The following PLD5 variants were observed in gnomAD, a reference collection of about 807,000 sequenced individuals.
The protein encoded by PLD5 is inactive phospholipase D5.
Under a neutral mutation model 61.1 loss-of-function variants are expected in PLD5, and 36 were observed. The observed-to-expected ratio is 0.59, with a 90% CI of 0.45 to 0.78. PLD5 has a LOEUF of 0.78. Ranked by LOEUF, PLD5 falls within the 30% of genes least tolerant of loss-of-function variation. The pLI is 0.00. For synonymous variants in PLD5, 243 were observed against 242.8 expected, an observed-to-expected ratio of 1.00 and a Z score of -0.01; for missense variants, 515 against 644.4, an observed-to-expected ratio of 0.80 and a Z score of 2.17.
chr1:242,518,799 G>A (rs759965166), intron 1 of PLD5, among the ~76,000 whole-genome samples: 2 of 152,148 alleles, frequency 1.3e-5, no homozygotes, highest in Non-Finnish European at 2.9e-5. Flanking sequence ...CCACACCCAA[G>A]AGAGTTCATA....
At chr1:242,512,860 T>C (rs1462759753) in intron 1 of PLD5, among the ~76,000 whole-genome samples, 1 of 129,176 alleles carries the variant, frequency 7.7e-6, no homozygotes, top group Admixed American at 8.4e-5. Flanking sequence ...TTCCACTGAA[T>C]TCTTTTTTAT....
intron 5 of PLD5, among the ~76,000 whole-genome samples, chr1:242,127,290 A>G (rs919369407): frequency 3.9e-5 from 6 of 152,198 alleles, no homozygotes; most frequent in African/African-American, 1.4e-4. Flanking sequence ...GGATCCAGCA[A>G]TCCCACTACT....
intron 2 of PLD5, among the ~76,000 whole-genome samples, chr1:242,323,278 A>C (rs551488217): frequency 1.3e-5 from 2 of 152,326 alleles, no homozygotes; most frequent in Admixed American, 1.3e-4. Context: ...TAATGGAAAT[A>C]TAAAAGTCAC....
intron 1 of PLD5, among the ~76,000 whole-genome samples, chr1:242,425,024 A>G (rs895487287): frequency 6.6e-6 from 1 of 152,090 alleles, no homozygotes; most frequent in Non-Finnish European, 1.5e-5. Context: ...CCTAGCTACT[A>G]GGGAGGCTGA....
chr1:242,190,398 G>A (rs1001710889), intron 5 of PLD5, among the ~76,000 whole-genome samples: 7 of 151,334 alleles, frequency 4.6e-5, no homozygotes, highest in Non-Finnish European at 5.9e-5. Context: ...CGCCCACCTC[G>A]GCCTCCCAAA....
At chr1:242,130,006 G>T (rs1428662843) in intron 5 of PLD5, among the ~76,000 whole-genome samples, 7 of 151,092 alleles carry the variant, frequency 4.6e-5, no homozygotes, top group Admixed American at 1.3e-4. Flanking sequence ...GTATTCCATT[G>T]TGTATATATA....
At chr1:242,426,813 T>C (rs1249590971) in intron 1 of PLD5, among the ~76,000 whole-genome samples, 1 of 152,250 alleles carries the variant, frequency 6.6e-6, no homozygotes, top group Non-Finnish European at 1.5e-5. Flanking sequence ...GGGAACATTG[T>C]TAGGCTGCAT....
chr1:242,290,461 C>T (rs983736153), intron 2 of PLD5, among the ~76,000 whole-genome samples: 1 of 152,008 alleles, frequency 6.6e-6, no homozygotes, highest in African/African-American at 2.4e-5. Context: ...AGAAAGCTGG[C>T]AGCATTTGTA....
chr1:242,386,764 A>T (rs73128336), intron 1 of PLD5, among the ~76,000 whole-genome samples: 1,779 of 152,324 alleles, frequency 0.012, 33 homozygotes, highest in African/African-American at 0.041. Flanking sequence ...ATTTCGAGAC[A>T]ATTGAGATTT....
chr1:242,100,351 T>A (rs2148667143), intron 9 of PLD5, among the ~76,000 whole-genome samples: 1 of 152,350 alleles, frequency 6.6e-6, no homozygotes, highest in South Asian at 2.1e-4. Context: ...TGCTCTTTCC[T>A]GTGCCAGGAC....
intron 1 of PLD5, among the ~76,000 whole-genome samples, chr1:242,480,546 C>T (rs1161157427): frequency 6.6e-6 from 1 of 151,764 alleles, no homozygotes; most frequent in East Asian, 1.9e-4. Context: ...CAAAAGACAC[C>T]ATTAAAAATA....
chr1:242,422,466 G>A (rs916824896), intron 1 of PLD5, among the ~76,000 whole-genome samples: 5 of 152,152 alleles, frequency 3.3e-5, no homozygotes, highest in Non-Finnish European at 7.4e-5. Flanking sequence ...GTAATGGCAA[G>A]ATTTTCAAAG....
At chr1:242,482,430 A>T (rs888487630) in intron 1 of PLD5, among the ~76,000 whole-genome samples, 1 of 152,268 alleles carries the variant, frequency 6.6e-6, no homozygotes, top group African/African-American at 2.4e-5. Flanking sequence ...TCAGTAGCTG[A>T]TTTGATCAAC....
chr1:242,181,453 T>C (rs1173279174), intron 5 of PLD5, among the ~76,000 whole-genome samples: 1 of 152,110 alleles, frequency 6.6e-6, no homozygotes, highest in Non-Finnish European at 1.5e-5. Flanking sequence ...ATGTGTTGGG[T>C]TAAATATTTT....
intron 3 of PLD5, among the ~76,000 whole-genome samples, chr1:242,283,287 ACTCT>A (rs1213121604): frequency 1.3e-5 from 2 of 152,046 alleles, no homozygotes; most frequent in Non-Finnish European, 1.5e-5. Context: ...CATCACACTC[ACTCT>A]AACAAAATTG....
chr1:242,133,172 C>T (rs1186174458), intron 5 of PLD5, among the ~76,000 whole-genome samples: 1 of 152,102 alleles, frequency 6.6e-6, no homozygotes, highest in Admixed American at 6.5e-5. Context: ...AACTTTGTGA[C>T]TTCACTTCAG....
At chr1:242,328,947 C>G (rs1239669066) in intron 2 of PLD5, among the ~76,000 whole-genome samples, 1 of 152,042 alleles carries the variant, frequency 6.6e-6, no homozygotes, top group Non-Finnish European at 1.5e-5. Context: ...TGGTTTTCTT[C>G]CTACTCCTAT....
At chr1:242,386,843 T>C (rs1662630552) in intron 1 of PLD5, among the ~76,000 whole-genome samples, 1 of 152,198 alleles carries the variant, frequency 6.6e-6, no homozygotes, top group Non-Finnish European at 1.5e-5. Flanking sequence ...TTATACAATG[T>C]TTTGTAGACA....
chr1:242,456,879 C>T (rs539184953), intron 1 of PLD5, among the ~76,000 whole-genome samples: 3 of 152,048 alleles, frequency 2.0e-5, no homozygotes, highest in African/African-American at 2.4e-5. Context: ...CCCGACACTG[C>T]GTCCGTAACA....
Sources: allele counts gnomAD v4.1 joint callset (sites outside exome capture counted in the v4.1 genomes callset), GRCh38; gene constraint gnomAD v4.1.1; transcripts MANE v1.5; gene names NCBI Gene and HGNC (gene_info 2026-07-23, HGNC 2026-07-21).